Variants in PTPRD observed in about 807,000 individuals in gnomAD.
The protein encoded by PTPRD is receptor-type tyrosine-protein phosphatase delta.
In PTPRD, 34 loss-of-function variants were observed where a neutral mutation model predicts 214.5. That is an observed-to-expected ratio of 0.16 (90% CI 0.12 to 0.21). The LOEUF is 0.21. Ranked by LOEUF, PTPRD falls within the 10% of genes least tolerant of loss-of-function variation. PTPRD has a pLI of 1.00. For missense variants in PTPRD, 2,545 were observed against 2,398.7 expected, an observed-to-expected ratio of 1.06 and a Z score of -1.27; for synonymous variants, 1,128 against 845.7, an observed-to-expected ratio of 1.33 and a Z score of -5.79.
chr9:10,531,475 G>A (rs2056291541), intron 2 of PTPRD, among the ~76,000 whole-genome samples: 1 of 152,062 alleles, frequency 6.6e-6, no homozygotes, highest in Admixed American at 6.6e-5. Flanking sequence ...TAATAAAAAT[G>A]GTAGCATATT....
At chr9:9,101,491 A>G (rs1207224404) in intron 10 of PTPRD, among the ~76,000 whole-genome samples, 1 of 152,208 alleles carries the variant, frequency 6.6e-6, no homozygotes, top group Non-Finnish European at 1.5e-5. Flanking sequence ...TTCTTGATGC[A>G]TTAATGAGGT....
At chr9:8,902,503 C>T (rs977408765) in intron 11 of PTPRD, among the ~76,000 whole-genome samples, 2 of 151,998 alleles carry the variant, frequency 1.3e-5, no homozygotes, top group African/African-American at 4.8e-5. Context: ...GCCACCACAC[C>T]TGGCTAATTT....
chr9:8,381,979 A>C (rs1417743148), intron 37 of PTPRD, among the ~76,000 whole-genome samples: 1 of 152,164 alleles, frequency 6.6e-6, no homozygotes, highest in Non-Finnish European at 1.5e-5. Context: ...GGGTCCTCAG[A>C]GTATCCACCT....
intron 10 of PTPRD, among the ~76,000 whole-genome samples, chr9:9,113,710 A>G (rs1052242398): frequency 6.6e-6 from 1 of 152,176 alleles, no homozygotes; most frequent in African/African-American, 2.4e-5. Context: ...GGATGATGCT[A>G]CAAGATTCTT....
At chr9:10,131,910 G>C (rs943227164) in intron 3 of PTPRD, among the ~76,000 whole-genome samples, 1 of 152,062 alleles carries the variant, frequency 6.6e-6, no homozygotes, top group East Asian at 1.9e-4. Flanking sequence ...CAAAAAATAT[G>C]CTCAAACAAT....
intron 3 of PTPRD, among the ~76,000 whole-genome samples, chr9:10,053,845 G>A (rs968802002): frequency 6.6e-6 from 1 of 152,046 alleles, no homozygotes; most frequent in Non-Finnish European, 1.5e-5. Flanking sequence ...TGCAACCTCC[G>A]CCTCACGGGT....
chr9:8,573,487 G>C (rs1452714172), intron 14 of PTPRD, among the ~76,000 whole-genome samples: 1 of 151,854 alleles, frequency 6.6e-6, no homozygotes, highest in Non-Finnish European at 1.5e-5. Flanking sequence ...CTCTTCACAA[G>C]TCAGTTCACT....
At chr9:8,716,796 T>C (rs1460310795) in intron 12 of PTPRD, among the ~76,000 whole-genome samples, 2 of 152,098 alleles carry the variant, frequency 1.3e-5, no homozygotes, top group Non-Finnish European at 2.9e-5. Context: ...CAATAATGAA[T>C]GTTACTCTCC....
intron 39 of PTPRD, among the ~76,000 whole-genome samples, chr9:8,349,046 A>G (rs199579773): frequency 3.1e-5 from 2 of 64,508 alleles, no homozygotes; most frequent in Non-Finnish European, 8.1e-5. Context: ...GACAAAATTT[A>G]TAAAAAAAAA....
chr9:8,445,771 G>C (rs1326152571), intron 34 of PTPRD, among the ~76,000 whole-genome samples: 1 of 152,110 alleles, frequency 6.6e-6, no homozygotes, highest in Non-Finnish European at 1.5e-5. Flanking sequence ...TGCTCAATAA[G>C]AGAAAAATAA....
chr9:8,481,023 A>G (rs2135560317), intron 30 of PTPRD, among the ~76,000 whole-genome samples: 1 of 151,806 alleles, frequency 6.6e-6, no homozygotes, highest in Non-Finnish European at 1.5e-5. Context: ...TCCTGTAGTC[A>G]CAGCCGCTCG....
At chr9:9,375,552 C>A (rs557911541) in intron 9 of PTPRD, among the ~76,000 whole-genome samples, 2 of 151,984 alleles carry the variant, frequency 1.3e-5, no homozygotes, top group Admixed American at 1.3e-4. Context: ...GCCAAGATTG[C>A]GCCACTGCAC....
intron 14 of PTPRD, among the ~76,000 whole-genome samples, chr9:8,628,093 G>C (rs2096109845): frequency 6.6e-6 from 1 of 151,808 alleles, no homozygotes; most frequent in African/African-American, 2.4e-5. Flanking sequence ...AAATCCTTTT[G>C]TGTGACAGTC....
chr9:9,990,614 GCTT>G (rs2095878546), intron 4 of PTPRD, among the ~76,000 whole-genome samples: 1 of 152,352 alleles, frequency 6.6e-6, no homozygotes, highest in South Asian at 2.1e-4. Flanking sequence ...TGGAAATGTA[GCTT>G]CTTCTTAGAA....
chr9:9,749,018 G>A (rs867204725), intron 6 of PTPRD, among the ~76,000 whole-genome samples: 1 of 127,456 alleles, frequency 7.8e-6, no homozygotes, highest in Non-Finnish European at 1.6e-5. Context: ...TGCAGGATGT[G>A]GAGTATAATC....
chr9:10,422,368 C>T (rs2098553619), intron 2 of PTPRD, among the ~76,000 whole-genome samples: 1 of 151,916 alleles, frequency 6.6e-6, no homozygotes, highest in Non-Finnish European at 1.5e-5. Flanking sequence ...ACAGGAAAAC[C>T]TAGGCAATAC....
chr9:9,084,470 T>C (rs1300331875), intron 10 of PTPRD, among the ~76,000 whole-genome samples: 2 of 152,130 alleles, frequency 1.3e-5, no homozygotes, highest in Non-Finnish European at 2.9e-5. Flanking sequence ...GGTTGATGGG[T>C]TCAGCAAACC....
intron 8 of PTPRD, among the ~76,000 whole-genome samples, chr9:9,488,617 C>T (rs1255694795): frequency 6.6e-6 from 1 of 152,162 alleles, no homozygotes; most frequent in East Asian, 1.9e-4. Context: ...GAAGAGGATT[C>T]TAGGAAGTGG....
chr9:9,564,894 T>TTTG (rs2084004885), intron 8 of PTPRD, among the ~76,000 whole-genome samples: 3 of 133,900 alleles, frequency 2.2e-5, no homozygotes, highest in African/African-American at 5.9e-5. Context: ...GTTTTTTTTT[T>TTTG]TTTTTTTTTT....
Sources: allele counts gnomAD v4.1 joint callset (sites outside exome capture counted in the v4.1 genomes callset), GRCh38; gene constraint gnomAD v4.1.1; transcripts MANE v1.5; gene names NCBI Gene and HGNC (gene_info 2026-07-23, HGNC 2026-07-21).